RBFOX1: variants seen among roughly 807,000 people sequenced by gnomAD.
RBFOX1 encodes the protein RNA binding fox-1 homolog 1.
Under a neutral mutation model 57.7 loss-of-function variants are expected in RBFOX1, and 8 were observed. The ratio of observed to expected loss-of-function variants is 0.14; its 90% confidence interval spans 0.08 to 0.25. The LOEUF (loss-of-function observed/expected upper bound fraction) is 0.25, where lower values mean the gene tolerates loss of function less well. Among genes scored for constraint, RBFOX1 ranks in the 10% least tolerant of loss-of-function variants. The probability of loss-of-function intolerance (pLI) is 1.00; values close to 1 mark genes in which losing one functional copy is unlikely to be tolerated. For missense variants in RBFOX1, 611 were observed against 548.5 expected (o/e 1.11, Z -1.14); for synonymous variants, 326 against 222.4 (o/e 1.47, Z -4.15).
chr16:5,530,981 C>G (rs182720494), intron 2 of RBFOX1, among the ~76,000 whole-genome samples: 6,276 of 133,386 alleles, frequency 0.047, 508 homozygotes, highest in African/African-American at 0.16. Context: ...AAAAATTAGC[C>G]AGGCTTGGTG....
chr16:7,075,097 G>C (rs1476203683), intron 4 of RBFOX1, among the ~76,000 whole-genome samples: 1 of 152,204 alleles, frequency 6.6e-6, no homozygotes, highest in South Asian at 2.1e-4. Flanking sequence ...GAAGTTCTGT[G>C]TTATTTGAAA....
chr16:6,499,234 G>A (rs1365868869), intron 2 of RBFOX1, among the ~76,000 whole-genome samples: 1 of 152,096 alleles, frequency 6.6e-6, no homozygotes, highest in African/African-American at 2.4e-5. Flanking sequence ...TCTTCAAAAT[G>A]ATATGGTGAT....
At position 5,900,752 on chromosome 16, in the gene RBFOX1, G is replaced by T. The variant is rs115418312; in HGVS notation, c.351+33417G>T. 4.1e-3 allele frequency among the ~76,000 whole-genome samples: 630 copies of T among 152,258 alleles called. 3 individuals are homozygous for T. Among genetic ancestry groups the T allele is most frequent in the African/African-American group, 0.015 (611 of 41,542 alleles). Reference sequence around the variant, plus strand: ...CTTCGAGAAGGACATGAGAGGAGGGGATGGTGCCAGGAATGTCAAATTAGC... The same window carrying T: ...CTTCGAGAAGGACATGAGAGGAGGGTATGGTGCCAGGAATGTCAAATTAGC... On this transcript the variant is annotated intron_variant, in intron 4 of 19. Transcript: ENST00000641259.
intron 3 of RBFOX1, among the ~76,000 whole-genome samples, chr16:5,638,850 T>G (rs1427422729): frequency 6.6e-6 from 1 of 152,170 alleles, no homozygotes; most frequent in Non-Finnish European, 1.5e-5. Flanking sequence ...GGAATGTGTT[T>G]TGGCACTTGT....
chr16:6,601,951 C>G (rs1418415435), intron 2 of RBFOX1, among the ~76,000 whole-genome samples: 2 of 152,118 alleles, frequency 1.3e-5, no homozygotes, highest in Non-Finnish European at 2.9e-5. Context: ...ATCATTAATT[C>G]AGACCATTCA....
At chr16:6,180,121 G>C (rs138227902) in intron 1 of RBFOX1, among the ~76,000 whole-genome samples, 3,833 of 152,100 alleles carry the variant, frequency 0.025, 73 homozygotes, top group Non-Finnish European at 0.042. Context: ...TTTTTTGTCT[G>C]GTTTTGATAT....
chr16:6,140,312 C>T (rs1430732593), intron 1 of RBFOX1, among the ~76,000 whole-genome samples: 1 of 152,058 alleles, frequency 6.6e-6, no homozygotes, highest in Non-Finnish European at 1.5e-5. Context: ...CTGCTTCAGC[C>T]CCATGAGTAG....
intron 3 of RBFOX1, among the ~76,000 whole-genome samples, chr16:6,771,150 G>A (rs968041557): frequency 2.6e-5 from 4 of 152,140 alleles, no homozygotes; most frequent in Admixed American, 6.5e-5. Context: ...AAACAACACA[G>A]AGGGGGAAGA....
intron 3 of RBFOX1, among the ~76,000 whole-genome samples, chr16:5,756,132 A>G (rs1243454647): frequency 6.8e-6 from 1 of 147,836 alleles, no homozygotes; most frequent in Non-Finnish European, 1.5e-5. Flanking sequence ...GTGGTGCCTC[A>G]GGGACTTACA....
At chr16:5,795,870 C>A (rs539511868) in intron 3 of RBFOX1, among the ~76,000 whole-genome samples, 1 of 152,290 alleles carries the variant, frequency 6.6e-6, no homozygotes, top group African/African-American at 2.4e-5. Flanking sequence ...GCCTCACAGT[C>A]TCTGTTGCAT....
At chr16:5,300,802 A>G (rs2063784006) in intron 1 of RBFOX1, among the ~76,000 whole-genome samples, 1 of 152,184 alleles carries the variant, frequency 6.6e-6, no homozygotes, top group Admixed American at 6.5e-5. Context: ...GTTTTGAAAA[A>G]CAAAATTTTT....
intron 1 of RBFOX1, among the ~76,000 whole-genome samples, chr16:5,432,986 A>G (rs959946679): frequency 3.3e-5 from 5 of 152,040 alleles, no homozygotes; most frequent in Admixed American, 3.3e-4. Flanking sequence ...GGGTTTCACC[A>G]TGTTGGCCAG....
intron 4 of RBFOX1, among the ~76,000 whole-genome samples, chr16:7,452,393 C>T (rs968108633): frequency 6.6e-6 from 1 of 152,178 alleles, no homozygotes; most frequent in African/African-American, 2.4e-5. Flanking sequence ...GGTGCATCCC[C>T]CACCTGCCTA....
intron 12 of RBFOX1, 195 bp from the exon 13 acceptor site, chr16:7,664,734 C>G: frequency 1.1e-6 from 1 of 928,642 alleles, no homozygotes. Context: ...TGGGCCAACA[C>G]CAAAGCCCGG....
intron 3 of RBFOX1, among the ~76,000 whole-genome samples, chr16:7,023,005 C>T (rs911744017): frequency 2.0e-5 from 3 of 152,072 alleles, no homozygotes. Context: ...CAGAAGTTGG[C>T]ATTTAATGTG....
intron 1 of RBFOX1, among the ~76,000 whole-genome samples, chr16:6,044,968 A>T (rs545962278): frequency 6.8e-4 from 104 of 152,338 alleles, no homozygotes; most frequent in African/African-American, 2.4e-3. Flanking sequence ...CTCACTATTG[A>T]CTGCTCATTA....
intron 3 of RBFOX1, among the ~76,000 whole-genome samples, chr16:6,821,825 A>C (rs1479500431): frequency 2.0e-5 from 3 of 152,166 alleles, no homozygotes; most frequent in Admixed American, 6.5e-5. Flanking sequence ...TGATGCTGTT[A>C]TGAACATGAA....
chr16:7,190,910 A>G (rs2085213749), intron 4 of RBFOX1, among the ~76,000 whole-genome samples: 1 of 152,136 alleles, frequency 6.6e-6, no homozygotes, highest in South Asian at 2.1e-4. Flanking sequence ...TGAAGGAAGC[A>G]TATTTTACAA....
chr16:7,290,437 C>T (rs982328851), intron 4 of RBFOX1, among the ~76,000 whole-genome samples: 3 of 152,188 alleles, frequency 2.0e-5, no homozygotes, highest in African/African-American at 7.2e-5. Context: ...GGAATGTAAG[C>T]TCCATGTCCT....
Sources: gnomAD v4.1 joint callset for allele counts (sites outside exome capture counted in the v4.1 genomes callset) on GRCh38, gnomAD v4.1.1 for gene constraint, MANE v1.5 for transcripts, NCBI Gene and HGNC (gene_info 2026-07-23, HGNC 2026-07-21) for gene names.